The following TMED7 variants were observed in gnomAD, a reference collection of about 807,000 sequenced individuals.
The protein encoded by TMED7 is transmembrane p24 trafficking protein 7, also known as transmembrane emp24 domain-containing protein 7.
TMED7 carries 8 observed loss-of-function variants against 23.4 expected under a neutral mutation model. The observed-to-expected ratio is 0.34, with a 90% CI of 0.20 to 0.62. The LOEUF is 0.62. Ranked by LOEUF, TMED7 falls within the 20% of genes least tolerant of loss-of-function variation. The pLI is 0.77. For missense variants in TMED7, 232 were observed against 279.1 expected, an observed-to-expected ratio of 0.83 and a Z score of 1.20; for synonymous variants, 121 against 108.5, an observed-to-expected ratio of 1.12 and a Z score of -0.72.
intron 1 of TMED7, among the ~76,000 whole-genome samples, chr5:115,624,404 T>G (rs1365815591): frequency 6.6e-6 from 1 of 152,178 alleles, no homozygotes; most frequent in Non-Finnish European, 1.5e-5. Context: ...TCTAAGCCAC[T>G]ATCATTTCTT....
At chr5:115,625,001 A>C (rs1032503069) in intron 1 of TMED7, among the ~76,000 whole-genome samples, 3 of 152,268 alleles carry the variant, frequency 2.0e-5, no homozygotes, top group Non-Finnish European at 4.4e-5. Context: ...ATTGAAGCTC[A>C]GTAAAGACTG....
chr5:115,616,440 T>C lies in TMED7; in HGVS notation c.444A>G (p.Glu148=). The C allele has an allele frequency of 6.2e-7, 1 of 1,614,170 alleles. No individual in the cohort carries two copies. The highest frequency in any genetic ancestry group is 8.5e-7 in the Non-Finnish European group (1 of 1,179,994). The part of the protein sequence containing the change: ...ENRVSALTQM[E]SACVSIHEAL... ...CTTCGTGAATTGAAACACAGGCAGATTCCATCTGCAGAGAAATATTTTCAG... is the reference window on the plus strand; with the variant it reads ...CTTCGTGAATTGAAACACAGGCAGACTCCATCTGCAGAGAAATATTTTCAG... The change falls in exon 3 of 3, where the codon GAA becomes GAG. Residue 148 remains glutamate (E), a synonymous_variant. Coordinates refer to ENST00000456936, the MANE Select transcript of TMED7 (RefSeq NM_181836.6).
chr5:115,619,121 T>C (rs1287699374), intron 2 of TMED7: 1 of 152,202 alleles, frequency 6.6e-6, no homozygotes, highest in Non-Finnish European at 1.5e-5. Flanking sequence ...CATTCATTTC[T>C]TATATTTACC....
At position 115,613,535 on chromosome 5, in the gene TMED7, A is replaced by AATTG. The variant is rs1756555158; in HGVS notation, c.*2670_*2673dup. ...AAAGATTTTTTTTTATTCTACAAGAAATTGATAGGTGCAATCCTGTTAAAG... is the reference window on the plus strand; with the variant it reads ...AAAGATTTTTTTTTATTCTACAAGAAATTGATTGATAGGTGCAATCCTGTTAAAG... On this transcript the variant is annotated 3_prime_UTR_variant, in exon 3 of 3. Transcript: ENST00000456936. The AATTG allele has an allele frequency of 6.6e-6, 1 of 152,168 alleles. No homozygotes were observed. Among genetic ancestry groups the AATTG allele is most frequent in the Non-Finnish European group, 1.5e-5 (1 of 68,010 alleles). 9.4% of individuals were successfully genotyped at this position (152,168 alleles called of 1,614,324 possible).
At chr5:115,624,138 GC>G (rs1478251280) in intron 1 of TMED7, among the ~76,000 whole-genome samples, 4 of 152,096 alleles carry the variant, frequency 2.6e-5, no homozygotes, top group Non-Finnish European at 4.4e-5. Context: ...CACTGAGTCT[GC>G]ATACACAAAA....
rs933041341 is a variant in TMED7, at chr5:115,621,922, C to T, written c.193-1242G>A. Reference sequence around the variant, plus strand: ...GAAGGATCTGTGTGACCTTTTCTCACTTGAGAGAAGATGACTAATGAACTA... The same window carrying T: ...GAAGGATCTGTGTGACCTTTTCTCATTTGAGAGAAGATGACTAATGAACTA... On this transcript the variant is annotated intron_variant, in intron 1 of 2. Transcript: ENST00000456936. Among the ~76,000 whole-genome samples the T allele has an allele frequency of 6.6e-5, 10 of 152,092 alleles. 1 individual carries two copies.
intron 2 of TMED7, among the ~76,000 whole-genome samples, chr5:115,619,351 T>C (rs1756925536): frequency 6.6e-6 from 1 of 152,184 alleles, no homozygotes; most frequent in South Asian, 2.1e-4. Context: ...TACACATTCT[T>C]AAAGCTGTTT....
rs892407995 is a variant in TMED7 at position 115,615,344 on chromosome 5, A to C, written c.*865T>G. 3 of 152,626 alleles carry C rather than the reference A, an allele frequency of 2.0e-5. No homozygotes were observed. Among genetic ancestry groups the C allele is most frequent in the African/African-American group, 7.2e-5 (3 of 41,470 alleles). The allele number at this position is 152,626 out of a possible 1,614,324, so 9.5% of individuals were successfully genotyped here. On this transcript the variant is annotated 3_prime_UTR_variant, in exon 3 of 3. Transcript: ENST00000456936. ...TTTAAGCTGGGAATGACTCACAGAC[A>C]TTAAAGTCATATAAGGGCAAGAGCT... is the stretch of plus-strand genomic sequence containing the variant.
At chr5:115,623,682 T>C (rs1757110686) in intron 1 of TMED7, among the ~76,000 whole-genome samples, 2 of 152,168 alleles carry the variant, frequency 1.3e-5, no homozygotes, top group Admixed American at 1.3e-4. Context: ...GGCCCCTTCT[T>C]CTCTCCTCTG....
chr5:115,622,366 A>G (rs527626717), intron 1 of TMED7, among the ~76,000 whole-genome samples: 3 of 152,274 alleles, frequency 2.0e-5, no homozygotes, highest in African/African-American at 7.2e-5. Flanking sequence ...CAAATCTCTC[A>G]ATCTTTTTGC....
chr5:115,625,576 C>G (rs1757173353), intron 1 of TMED7, 25 bp downstream of exon 1: 3 of 1,527,130 alleles, frequency 2.0e-6, no homozygotes, highest in Admixed American at 2.0e-5. Context: ...GAGTTGGGGC[C>G]CAGGGACTGC....
At position 115,620,569 on chromosome 5, in the gene TMED7, T is replaced by C; in HGVS notation, c.304A>G (p.Lys102Glu). The C allele has an allele frequency of 1.2e-6, 2 of 1,608,030 alleles. No individual in the cohort carries two copies. Among genetic ancestry groups the C allele is most frequent in the Non-Finnish European group, 1.7e-6 (2 of 1,177,782 alleles). ...AAGCAAAATTTGTATGTCCCATTTT[T>C]GGAGGCTGTGAAGGTAAAACTATCA... ...QYDSFTFTASKNGTYKFCFSN... is the reference protein window; with the variant it reads ...QYDSFTFTASENGTYKFCFSN... Residue 102 changes from lysine (K) to glutamate (E), a missense_variant, in exon 2 of 3, where the codon AAA becomes GAA. This residue lies in a region of TMED7 where 126 missense variants were observed against 182.1 expected (regional missense o/e 0.69). Coordinates refer to ENST00000456936, the MANE Select transcript of TMED7 (RefSeq NM_181836.6).
intron 1 of TMED7, among the ~76,000 whole-genome samples, chr5:115,621,498 G>C (rs1461171585): frequency 6.6e-6 from 1 of 152,190 alleles, no homozygotes; most frequent in Non-Finnish European, 1.5e-5. Context: ...TAGAAAGCCA[G>C]TACTTAATGG....
chr5:115,625,543 T>C, intron 1 of TMED7, 58 bp downstream of exon 1: 3 of 1,437,004 alleles, frequency 2.1e-6, no homozygotes, highest in Non-Finnish European at 2.8e-6. Flanking sequence ...TCCCTCAAGT[T>C]ACACCCCCAA....
At position 115,626,017 on chromosome 5, in the gene TMED7, G is replaced by A; in HGVS notation, c.-225C>T. ...TAAAAGAGAAGCGGAAAAGGCCTGA[G>A]AGGGTCGGAAGTGGGGATTAGCCTT... On this transcript the variant is annotated 5_prime_UTR_variant, in exon 1 of 3. Coordinates refer to ENST00000456936, the MANE Select transcript of TMED7 (RefSeq NM_181836.6). The A allele has an allele frequency of 2.0e-6, 1 of 501,380 alleles. No individual in the cohort carries two copies. Among genetic ancestry groups the A allele is most frequent in the Non-Finnish European group, 3.1e-6 (1 of 321,146 alleles). The allele number at this position is 501,380 out of a possible 1,614,324, so 31.1% of individuals were successfully genotyped here.
At chr5:115,618,244 AT>A (rs1481116067) in intron 2 of TMED7, among the ~76,000 whole-genome samples, 3 of 152,198 alleles carry the variant, frequency 2.0e-5, no homozygotes, top group Admixed American at 6.5e-5. Context: ...TTTAAAGCAA[AT>A]CTCAGATATT....
chr5:115,624,383 T>C (rs1391874492), intron 1 of TMED7, among the ~76,000 whole-genome samples: 2 of 152,158 alleles, frequency 1.3e-5, no homozygotes, highest in Non-Finnish European at 2.9e-5. Context: ...ACCCCACTGC[T>C]ATCACTCTAC....
intron 2 of TMED7, among the ~76,000 whole-genome samples, chr5:115,618,524 C>G (rs1756884578): frequency 6.6e-6 from 1 of 152,182 alleles, no homozygotes; most frequent in African/African-American, 2.4e-5. Flanking sequence ...CCATCAACCC[C>G]TATCCTGTGG....
intron 2 of TMED7, 113 bp from the exon 3 acceptor site, chr5:115,616,558 T>C: frequency 6.9e-7 from 1 of 1,455,458 alleles, no homozygotes. Flanking sequence ...AACATGCTAC[T>C]AATCTGGCAT....
Sources: gnomAD v4.1 joint callset for allele counts (sites outside exome capture counted in the v4.1 genomes callset) on GRCh38, gnomAD v4.1.1 for gene constraint, gnomAD v4.1.1 regional missense constraint, MANE v1.5 for transcripts, NCBI Gene and HGNC (gene_info 2026-07-23, HGNC 2026-07-21) for gene names.